Variants in SLC38A12 observed in about 807,000 individuals in gnomAD.
SLC38A12 encodes the protein solute carrier family 38 member 12.
the SLC38A12 span, among the ~76,000 whole-genome samples, chr17:74,815,979 C>A: frequency 1.3e-5 from 2 of 152,134 alleles, no homozygotes; most frequent in Non-Finnish European, 2.9e-5. Flanking sequence ...CACAACAGGC[C>A]CCCGTGAGGC....
the SLC38A12 span, among the ~76,000 whole-genome samples, chr17:74,787,249 G>A: frequency 9.2e-5 from 14 of 152,240 alleles, no homozygotes; most frequent in South Asian, 2.9e-3. Flanking sequence ...GTCAGGGTGA[G>A]CAGTCAGCCC....
At chr17:74,809,995 G>T in the SLC38A12 span, among the ~76,000 whole-genome samples, 2 of 152,198 alleles carry the variant, frequency 1.3e-5, no homozygotes, top group Non-Finnish European at 2.9e-5. Context: ...AGCTCCTGCT[G>T]CGAGGATTTG....
chr17:74,800,112 C>G, the SLC38A12 span, among the ~76,000 whole-genome samples: 9 of 152,382 alleles, frequency 5.9e-5, no homozygotes, highest in African/African-American at 2.2e-4. Flanking sequence ...CCTCTCAGCT[C>G]TGTCCTGCCC....
the SLC38A12 span, among the ~76,000 whole-genome samples, chr17:74,821,509 G>T: frequency 6.6e-6 from 1 of 152,168 alleles, no homozygotes; most frequent in Non-Finnish European, 1.5e-5. Context: ...TCCAAGGAAT[G>T]GATTTAGAAT....
the SLC38A12 span, among the ~76,000 whole-genome samples, chr17:74,781,532 C>T: frequency 1.3e-5 from 2 of 152,192 alleles, no homozygotes; most frequent in Non-Finnish European, 2.9e-5. Context: ...GCCATCCTCC[C>T]ACCTCAGGAG....
the SLC38A12 span, among the ~76,000 whole-genome samples, chr17:74,786,935 G>A: frequency 6.6e-6 from 1 of 152,094 alleles, no homozygotes. Context: ...CAGGCAGGGG[G>A]TACCACACCC....
the SLC38A12 span, among the ~76,000 whole-genome samples, chr17:74,779,157 C>T: frequency 1.3e-5 from 2 of 152,226 alleles, no homozygotes; most frequent in Admixed American, 6.5e-5. Context: ...GGAGATGAGT[C>T]ATCCCTGTAA....
chr17:74,808,012 G>A, the SLC38A12 span, among the ~76,000 whole-genome samples: 1 of 152,260 alleles, frequency 6.6e-6, no homozygotes, highest in Admixed American at 6.5e-5. Context: ...GACTGTGTGG[G>A]TTTTCCACAA....
the SLC38A12 span, among the ~76,000 whole-genome samples, chr17:74,784,172 G>A: frequency 1.3e-5 from 2 of 152,298 alleles, no homozygotes; most frequent in African/African-American, 4.8e-5. Flanking sequence ...AAGAACAGGA[G>A]TGAAAATGAG....
chr17:74,784,879 C>A, the SLC38A12 span, among the ~76,000 whole-genome samples: 1 of 152,002 alleles, frequency 6.6e-6, no homozygotes, highest in Non-Finnish European at 1.5e-5. Context: ...GGTCACACAA[C>A]CTTGTGAATA....
chr17:74,792,783 G>A, the SLC38A12 span, among the ~76,000 whole-genome samples: 3 of 152,216 alleles, frequency 2.0e-5, no homozygotes, highest in Admixed American at 6.5e-5. Flanking sequence ...CTCCCTGCTG[G>A]ACCGGCCTCA....
At chr17:74,828,518 G>A in the SLC38A12 span, among the ~76,000 whole-genome samples, 1 of 152,182 alleles carries the variant, frequency 6.6e-6, no homozygotes, top group Admixed American at 6.5e-5. Flanking sequence ...GAGCGGGCTG[G>A]GGGAGGGGGC....
chr17:74,805,811 G>A, the SLC38A12 span, among the ~76,000 whole-genome samples: 176 of 152,328 alleles, frequency 1.2e-3, 2 homozygotes, highest in Non-Finnish European at 5.0e-4. This position sits in a 1 kb window ranked among gnomAD's most constrained non-coding sequence, Gnocchi z 5.0. Flanking sequence ...AGCATGGACC[G>A]AGGAAGGGAA....
chr17:74,839,263 C>A, the SLC38A12 span: 1 of 1,260,998 alleles, frequency 7.9e-7, no homozygotes, highest in Non-Finnish European at 1.1e-6. Flanking sequence ...AGCCACACAG[C>A]TGTCCTCACT....
chr17:74,792,841 G>A, the SLC38A12 span, among the ~76,000 whole-genome samples: 11 of 152,348 alleles, frequency 7.2e-5, no homozygotes, highest in South Asian at 6.2e-4. Flanking sequence ...GGTTCAGCCC[G>A]CATCTGTGCT....
the SLC38A12 span, among the ~76,000 whole-genome samples, chr17:74,780,235 C>G: frequency 1.3e-5 from 2 of 152,180 alleles, no homozygotes; most frequent in Non-Finnish European, 2.9e-5. Flanking sequence ...TTTCCTTTGA[C>G]AATTGTCAGA....
chr17:74,824,017 C>A, the SLC38A12 span, among the ~76,000 whole-genome samples: 2 of 152,226 alleles, frequency 1.3e-5, no homozygotes, highest in African/African-American at 2.4e-5. Flanking sequence ...TGGTCAGCTG[C>A]CACATCCCAA....
the SLC38A12 span, among the ~76,000 whole-genome samples, chr17:74,825,557 C>T: frequency 5.3e-5 from 8 of 152,254 alleles, no homozygotes; most frequent in South Asian, 2.1e-4. Context: ...TCACTTGGCC[C>T]GAGCAAAGGG....
the SLC38A12 span, among the ~76,000 whole-genome samples, chr17:74,810,884 A>T: frequency 6.6e-6 from 1 of 152,230 alleles, no homozygotes; most frequent in Non-Finnish European, 1.5e-5. Flanking sequence ...GGCTGCCGGC[A>T]TGGTTTCTGA....
Sources: allele counts gnomAD v4.1 joint callset (sites outside exome capture counted in the v4.1 genomes callset), GRCh38; gene constraint gnomAD v4.1.1; non-coding constraint Gnocchi (gnomAD v3.1); transcripts MANE v1.5; gene names NCBI Gene and HGNC (gene_info 2026-07-23, HGNC 2026-07-21).